PRSS23: variants seen among roughly 807,000 people sequenced by gnomAD.
PRSS23 encodes protease, serine 23.
In PRSS23, 25 loss-of-function variants were observed where a neutral mutation model predicts 34.7. The observed-to-expected ratio is 0.72, with a 90% CI of 0.53 to 1.01. The LOEUF (loss-of-function observed/expected upper bound fraction) is 1.01. PRSS23 is among the 50% of genes least tolerant of loss of function. The pLI is 0.00. For synonymous variants in PRSS23, 176 were observed against 186.6 expected (o/e 0.94, Z 0.46); for missense variants, 445 against 475.6 (o/e 0.94, Z 0.60).
chr11:86,946,197 G>C (rs1273254755), intron 2 of PRSS23: 1 of 152,188 alleles, frequency 6.6e-6, no homozygotes, highest in Non-Finnish European at 1.5e-5. Context: ...AGCCAAGTCA[G>C]GGCCCCAGCC....
chr11:86,945,253 CT>C (rs371290679), intron 2 of PRSS23, among the ~76,000 whole-genome samples: 1 of 151,302 alleles, frequency 6.6e-6, no homozygotes, highest in Non-Finnish European at 1.5e-5. Flanking sequence ...TTTCCCTTCC[CT>C]TTTTTAAGAG....
chr11:86,808,102 A>C lies in PRSS23; in HGVS notation c.459A>C (p.Ser153=), dbSNP rs367968902. ...DFLLNYPFST[S]VKLSTGCTGT... ...TGCTCAACTACCCTTTCTCAACATC[A>C]GTGAAGTTATCCACGGGCTGCACCG... Residue 153 remains serine (S), a synonymous_variant, in exon 2 of 2, where the codon TCA becomes TCC. Coordinates refer to ENST00000280258, the MANE Select transcript of PRSS23 (RefSeq NM_007173.6). The C allele has an allele frequency of 4.3e-6, 7 of 1,613,992 alleles. No homozygotes were observed. The highest frequency in any genetic ancestry group is 5.9e-6 in the Non-Finnish European group (7 of 1,180,032).
chr11:86,907,227 G>A (rs113869541), intron 2 of PRSS23, among the ~76,000 whole-genome samples: 3 of 152,110 alleles, frequency 2.0e-5, no homozygotes, highest in African/African-American at 4.8e-5. Context: ...TTGACTGATG[G>A]ATAATGTTGG....
chr11:86,848,108 C>T (rs1176319918), intron 2 of PRSS23, among the ~76,000 whole-genome samples: 5 of 152,156 alleles, frequency 3.3e-5, no homozygotes, highest in African/African-American at 1.2e-4. Context: ...CATGCATGCC[C>T]CCTTCTCACT....
intron 2 of PRSS23, among the ~76,000 whole-genome samples, chr11:86,832,363 T>C (rs1168904826): frequency 6.6e-6 from 1 of 152,038 alleles, no homozygotes. Context: ...GTGGGTGTAC[T>C]CCATGTGTGT....
chr11:86,832,685 C>T (rs1234254670), intron 2 of PRSS23: 1 of 359,748 alleles, frequency 2.8e-6, no homozygotes, highest in South Asian at 2.3e-5. Context: ...CAGGTACCCC[C>T]CAACGACTTT....
intron 2 of PRSS23, among the ~76,000 whole-genome samples, chr11:86,836,105 C>G (rs1948403337): frequency 6.6e-6 from 1 of 152,110 alleles, no homozygotes; most frequent in Non-Finnish European, 1.5e-5. Context: ...TCTGCTTCCT[C>G]TGGTATTTGA....
intron 2 of PRSS23, among the ~76,000 whole-genome samples, chr11:86,944,542 C>T (rs1400031155): frequency 1.3e-5 from 2 of 152,202 alleles, no homozygotes; most frequent in Non-Finnish European, 2.9e-5. Flanking sequence ...TGCCCTCGCC[C>T]TCTCTACGTC....
intron 1 of PRSS23, among the ~76,000 whole-genome samples, chr11:86,805,739 G>A (rs7934478): frequency 6.6e-6 from 1 of 152,110 alleles, no homozygotes; most frequent in African/African-American, 2.4e-5. Context: ...TGGATATTGG[G>A]AATGAGAATG....
chr11:86,800,308 C>G (rs11604191), upstream of PRSS23: 66,515 of 325,248 alleles, frequency 0.2, 7,227 homozygotes, highest in Middle Eastern at 0.25. Flanking sequence ...GGACTGGCGA[C>G]TGCTGCCGCG....
intron 1 of PRSS23, among the ~76,000 whole-genome samples, chr11:86,818,518 A>G (rs965696247): frequency 6.6e-6 from 1 of 152,206 alleles, no homozygotes; most frequent in South Asian, 2.1e-4. Context: ...AAAATAAATC[A>G]AAATTTTGAA....
At chr11:86,866,436 A>G (rs1365266300) in intron 2 of PRSS23, among the ~76,000 whole-genome samples, 1 of 152,220 alleles carries the variant, frequency 6.6e-6, no homozygotes, top group Non-Finnish European at 1.5e-5. Context: ...ATAATTACAT[A>G]GAGGACTACC....
intron 2 of PRSS23, chr11:86,936,374 T>A (rs1310314592): frequency 6.6e-6 from 1 of 152,344 alleles, no homozygotes; most frequent in Non-Finnish European, 1.5e-5. Context: ...TTCAAGTGAT[T>A]CTCCTGCCTC....
intron 2 of PRSS23, chr11:86,951,108 T>C: frequency 1.2e-6 from 2 of 1,610,496 alleles, no homozygotes; most frequent in African/African-American, 1.3e-5. Flanking sequence ...CATTCCCCCC[T>C]TCAAAATGAA....
chr11:86,895,403 G>T (rs1405861878), intron 2 of PRSS23, among the ~76,000 whole-genome samples: 1 of 151,172 alleles, frequency 6.6e-6, no homozygotes, highest in Non-Finnish European at 1.5e-5. Flanking sequence ...CATAAATTCA[G>T]TGGCATTCAT....
In PRSS23 at chr11:86,926,361, C is replaced by G. The variant is rs375614450; in HGVS notation, c.207-24855C>G. ...CTAGGTGACAAGAACGAGACTGCAT[C>G]TCACAAAAATAAATAAATAATAAAA... On this transcript the variant is annotated intron_variant, in intron 2 of 2. Coordinates refer to the PRSS23 transcript ENST00000533902. Among the ~76,000 whole-genome samples the G allele has an allele frequency of 3.9e-5, 6 of 152,222 alleles. No homozygotes were observed. In the South Asian group the frequency reaches 1.2e-3, roughly 32 times the overall value.
At chr11:86,907,641 G>A (rs957734948) in intron 2 of PRSS23, among the ~76,000 whole-genome samples, 21 of 152,014 alleles carry the variant, frequency 1.4e-4, no homozygotes, top group African/African-American at 4.1e-4. Flanking sequence ...TGTATTTTTC[G>A]TAGAGACAGA....
At chr11:86,852,308 A>G (rs976661984) in intron 2 of PRSS23, among the ~76,000 whole-genome samples, 1 of 152,226 alleles carries the variant, frequency 6.6e-6, no homozygotes, top group Non-Finnish European at 1.5e-5. Context: ...AGTATTTACT[A>G]TTCTATGGCC....
chr11:86,799,545 T>C (rs146639801), upstream of PRSS23, among the ~76,000 whole-genome samples: 1 of 152,266 alleles, frequency 6.6e-6, no homozygotes, highest in African/African-American at 2.4e-5. Context: ...CTCTGCACCT[T>C]CTTCACCACA....
Sources: gnomAD v4.1 joint callset for allele counts (sites outside exome capture counted in the v4.1 genomes callset) on GRCh38, gnomAD v4.1.1 for gene constraint, MANE v1.5 for transcripts, NCBI Gene and HGNC (gene_info 2026-07-23, HGNC 2026-07-21) for gene names.